Variants in CHIC1 observed in about 807,000 individuals in gnomAD.
CHIC1 encodes the protein cysteine-rich hydrophobic domain-containing protein 1.
In CHIC1, 7 loss-of-function variants were observed where a neutral mutation model predicts 18.5. The observed-to-expected ratio is 0.38, with a 90% CI of 0.22 to 0.71. The LOEUF is 0.71. CHIC1 is among the 30% of genes least tolerant of loss of function. The pLI is 0.49. For synonymous variants in CHIC1, 77 were observed against 73.5 expected, an observed-to-expected ratio of 1.05 and a Z score of -0.25; for missense variants, 159 against 176.9, an observed-to-expected ratio of 0.90 and a Z score of 0.57.
intron 3 of CHIC1, among the ~76,000 whole-genome samples, chrX:73,647,897 G>A (rs767937343): frequency 3.6e-5 from 4 of 112,127 alleles, no homozygotes; most frequent in South Asian, 3.7e-4. Flanking sequence ...TCTGTTCCCT[G>A]TGCCACCCAG....
Position 73,682,136 on chromosome X carries a change from G to A in CHIC1, c.*1131G>A, listed in dbSNP as rs1463934281. 4 of 111,434 alleles carry A rather than the reference G, an allele frequency of 3.6e-5. No individual in the cohort carries two copies. The highest frequency in any genetic ancestry group is 2.9e-4 in the Admixed American group (3 of 10,470). 9.2% of individuals were successfully genotyped at this position (111,434 alleles called of 1,213,427 possible). ...AGCTGTAGCTAAAGAGTATATAGCA[G>A]CTGATTCATAATTGAAAAAAAATTC... On this transcript the variant is annotated 3_prime_UTR_variant, in exon 6 of 6. Transcript: ENST00000373502.
At chrX:73,563,684 A>G (rs1168763172) in intron 1 of CHIC1, 104 bp downstream of exon 1, 2 of 791,384 alleles carry the variant, frequency 2.5e-6, no homozygotes, top group East Asian at 3.9e-5. Flanking sequence ...TGACTGATTG[A>G]CTGAGGCGTA....
intron 3 of CHIC1, among the ~76,000 whole-genome samples, chrX:73,622,020 C>G (rs1234884664): frequency 8.9e-6 from 1 of 111,991 alleles, no homozygotes; most frequent in African/African-American, 3.2e-5. Context: ...ATATGCTGAA[C>G]CAGCCTTGCA....
At chrX:73,643,432 A>T (rs1339827969) in intron 3 of CHIC1, among the ~76,000 whole-genome samples, 22 of 110,771 alleles carry the variant, frequency 2.0e-4, no homozygotes, top group Non-Finnish European at 3.2e-4. Flanking sequence ...TAGATTGGGG[A>T]AGTTCTCCTG....
intron 1 of CHIC1, among the ~76,000 whole-genome samples, chrX:73,567,662 A>C (rs1357443902): frequency 9.0e-6 from 1 of 111,150 alleles, no homozygotes; most frequent in African/African-American, 3.3e-5. Flanking sequence ...ACTTAAGATT[A>C]TCTTGTGGTT....
At position 73,684,717 on chromosome X, in the gene CHIC1, T is replaced by G. The variant is rs2058114042; in HGVS notation, c.*3712T>G. ...AAAATATTTTGCAACAACTGTCAAA[T>G]TATTTGGGTTCCTTTAAATAGCAAA... On this transcript the variant is annotated 3_prime_UTR_variant, in exon 6 of 6. Transcript: ENST00000373502. The G allele has an allele frequency of 9.0e-6, 1 of 111,683 alleles. No individual in the cohort carries two copies. Among genetic ancestry groups the G allele is most frequent in the Non-Finnish European group, 1.9e-5 (1 of 52,901 alleles). The allele number at this position is 111,683 out of a possible 1,213,427, so 9.2% of individuals were successfully genotyped here. A position where few individuals can be genotyped will look rare whatever the true frequency, so the allele number is the denominator to read the frequency against.
At chrX:73,596,277 A>G (rs1268364676) in intron 3 of CHIC1, among the ~76,000 whole-genome samples, 1 of 111,619 alleles carries the variant, frequency 9.0e-6, no homozygotes, top group Non-Finnish European at 1.9e-5. Flanking sequence ...CCCATTCACA[A>G]TTGCTACACA....
At chrX:73,563,839 G>T (rs1396408065) in intron 1 of CHIC1, among the ~76,000 whole-genome samples, 1 of 111,100 alleles carries the variant, frequency 9.0e-6, no homozygotes, top group Non-Finnish European at 1.9e-5. Flanking sequence ...GAGCCAGAGC[G>T]ATTGGAGTAG....
In CHIC1 at chrX:73,604,138, C is replaced by G. The variant is rs865968552; in HGVS notation, c.507+19566C>G. Among the ~76,000 whole-genome samples the G allele has an allele frequency of 2.9e-4, 31 of 105,158 alleles. 4 individuals are homozygous for G. The highest frequency in any genetic ancestry group is 1.1e-3 in the African/African-American group (29 of 26,709). 91.3% of individuals were successfully genotyped at this position (105,158 alleles called of 115,157 possible). ...AGCTGTGAATCCATCTGGCCCTGGG[C>G]TTTTTTCAGTTGGTAAGCTGTTAAT... On this transcript the variant is annotated intron_variant, in intron 3 of 5. Transcript: ENST00000373502.
At chrX:73,624,143 C>T (rs1244943360) in intron 3 of CHIC1, among the ~76,000 whole-genome samples, 1 of 109,948 alleles carries the variant, frequency 9.1e-6, no homozygotes, top group Non-Finnish European at 1.9e-5. Context: ...GGGGAAATTT[C>T]CATAACTTCT....
intron 3 of CHIC1, among the ~76,000 whole-genome samples, chrX:73,645,276 G>T (rs2057883561): frequency 8.9e-6 from 1 of 112,094 alleles, no homozygotes; most frequent in African/African-American, 3.2e-5. Context: ...ATTCTATCAT[G>T]TATATGTGCT....
intron 3 of CHIC1, among the ~76,000 whole-genome samples, chrX:73,594,561 T>C (rs1473654813): frequency 8.9e-6 from 1 of 112,212 alleles, no homozygotes; most frequent in Non-Finnish European, 1.9e-5. Flanking sequence ...AGATAGAGTT[T>C]AAATGTAAGG....
intron 3 of CHIC1, among the ~76,000 whole-genome samples, chrX:73,614,760 G>A (rs910796463): frequency 2.8e-5 from 3 of 108,889 alleles, no homozygotes; most frequent in African/African-American, 6.7e-5. Context: ...TTTCTTATTC[G>A]GATACCCAAT....
chrX:73,612,764 A>G (rs2057715033), intron 3 of CHIC1, among the ~76,000 whole-genome samples: 1 of 112,348 alleles, frequency 8.9e-6, no homozygotes, highest in East Asian at 2.8e-4. Context: ...TGTGCTGATT[A>G]GAAGAACGTG....
At position 73,607,105 on chromosome X, in the gene CHIC1, T is replaced by G. The variant is rs144383474; in HGVS notation, c.507+22533T>G. Among the ~76,000 whole-genome samples the G allele has an allele frequency of 9.1e-3, 995 of 109,022 alleles. 14 individuals carry two copies. The highest frequency in any genetic ancestry group is 0.014 in the Non-Finnish European group (721 of 53,144). The allele number at this position is 109,022 out of a possible 115,157, so 94.7% of individuals were successfully genotyped here. ...CAGCCGCCCGTTCCCCCAGGTGCTC[T>G]GTTCCAGGGAGATATGAGTTTTATC... On this transcript the variant is annotated intron_variant, in intron 3 of 5. Coordinates refer to ENST00000373502, the MANE Select transcript of CHIC1 (RefSeq NM_001039840.4).
chrX:73,588,768 T>C (rs745931859), intron 3 of CHIC1, among the ~76,000 whole-genome samples: 3 of 110,761 alleles, frequency 2.7e-5, no homozygotes, highest in South Asian at 7.5e-4. Context: ...TATAGGTCTA[T>C]TCAGATTTTC....
intron 3 of CHIC1, among the ~76,000 whole-genome samples, chrX:73,618,440 G>T (rs1440236227): frequency 1.8e-5 from 2 of 111,338 alleles, no homozygotes; most frequent in Non-Finnish European, 1.9e-5. Context: ...CCTTGGGTGG[G>T]GTCTGCTGTG....
Position 73,683,384 on chromosome X carries a change from A to C in CHIC1, c.*2379A>C. The C allele has an allele frequency of 9.0e-6, 1 of 111,273 alleles. No homozygotes were observed. The highest frequency in any genetic ancestry group is 4.7e-3 in the Middle Eastern group (1 of 215). The allele number at this position is 111,273 out of a possible 1,213,427, so 9.2% of individuals were successfully genotyped here. ...ACTTTTTCAAACTGTTTTCCTTTGC[A>C]GGGGGCTGATTAGCAATTGAGTATT... On this transcript the variant is annotated 3_prime_UTR_variant, in exon 6 of 6. Transcript: ENST00000373502.
Position 73,683,162 on chromosome X carries a change from T to C in CHIC1, c.*2157T>C, listed in dbSNP as rs1448838801. On this transcript the variant is annotated 3_prime_UTR_variant, in exon 6 of 6. Coordinates refer to ENST00000373502, the MANE Select transcript of CHIC1 (RefSeq NM_001039840.4). ...TTATTGAGAATGGGAATACAGTATA[T>C]CTGGAAATGACACAGTATAATACAA... The C allele has an allele frequency of 9.0e-6, 1 of 111,066 alleles. No individual in the cohort carries two copies. Among genetic ancestry groups the C allele is most frequent in the Non-Finnish European group, 1.9e-5 (1 of 52,712 alleles). The allele number at this position is 111,066 out of a possible 1,213,427, so 9.2% of individuals were successfully genotyped here. A position where few individuals can be genotyped will look rare whatever the true frequency, so the allele number is the denominator to read the frequency against.
Sources: gnomAD v4.1 joint callset for allele counts (sites outside exome capture counted in the v4.1 genomes callset) on GRCh38, gnomAD v4.1.1 for gene constraint, MANE v1.5 for transcripts, NCBI Gene and HGNC (gene_info 2026-07-23, HGNC 2026-07-21) for gene names.